Variants in MSANTD2 observed in about 807,000 individuals in gnomAD.
The protein encoded by MSANTD2 is Myb/SANT DNA binding domain containing 2, also known as myb/SANT-like DNA-binding domain-containing protein 2.
Under a neutral mutation model 52.6 loss-of-function variants are expected in MSANTD2, and 19 were observed. The observed-to-expected ratio is 0.36, with a 90% CI of 0.25 to 0.53. MSANTD2 has a LOEUF of 0.53. Ranked by LOEUF, MSANTD2 falls within the 20% of genes least tolerant of loss-of-function variation. The pLI is 0.91. For missense variants in MSANTD2, 558 were observed against 716.3 expected (o/e 0.78, Z 2.52); for synonymous variants, 291 against 289.7 (o/e 1.00, Z -0.04).
chr11:124,793,135 G>C (rs1945384873), intron 1 of MSANTD2, among the ~76,000 whole-genome samples: 1 of 152,126 alleles, frequency 6.6e-6, no homozygotes. Context: ...TATTGTTTAA[G>C]TTATCAATCC....
At chr11:124,787,029 G>A (rs772007484) in intron 1 of MSANTD2, among the ~76,000 whole-genome samples, 21 of 152,082 alleles carry the variant, frequency 1.4e-4, no homozygotes, top group Non-Finnish European at 2.5e-4. Flanking sequence ...GGTGGGGCTG[G>A]TAACAGTACC....
intron 1 of MSANTD2, among the ~76,000 whole-genome samples, chr11:124,786,197 C>T (rs1352240542): frequency 1.3e-5 from 2 of 151,012 alleles, no homozygotes; most frequent in Non-Finnish European, 2.9e-5. Context: ...GCCTCAAACT[C>T]CTGGGCTCAA....
intron 1 of MSANTD2, among the ~76,000 whole-genome samples, chr11:124,781,652 CTT>C (rs571106311): frequency 0.23 from 30,100 of 133,364 alleles, 3,097 homozygotes; most frequent in African/African-American, 0.4. Flanking sequence ...TCATCAATGT[CTT>C]TTTTTTTTTT....
chr11:124,775,859 T>A (rs912930051), intron 1 of MSANTD2: 2 of 152,264 alleles, frequency 1.3e-5, no homozygotes, highest in Non-Finnish European at 2.9e-5. Context: ...CCCTTCCATT[T>A]TTACCATGGT....
In MSANTD2 at chr11:124,781,319, T is replaced by C. The variant is rs138757340; in HGVS notation, c.511-6345A>G. 1.1e-4 allele frequency among the ~76,000 whole-genome samples: 16 copies of C among 152,360 alleles called. 1 individual carries two copies. The highest frequency in any genetic ancestry group is 3.8e-4 in the African/African-American group (16 of 41,586). On this transcript the variant is annotated intron_variant, in intron 1 of 3. Transcript: ENST00000374979. ...AATTAAGTGATATTAAATGATTCGT[T>C]ATGCTGATTATCTGTTCCAACTGCA... is the stretch of plus-strand genomic sequence containing the variant.
chr11:124,783,781 C>A (rs1020015621), intron 1 of MSANTD2: 1 of 985,260 alleles, frequency 1.0e-6, no homozygotes, highest in Non-Finnish European at 1.2e-6. Context: ...AAGAAAAAAA[C>A]CCTAAAGAAG....
intron 1 of MSANTD2, chr11:124,775,751 GTTA>G (rs1944718423): frequency 2.0e-5 from 3 of 152,220 alleles, no homozygotes; most frequent in Admixed American, 6.5e-5. Context: ...ACAGAGGGGT[GTTA>G]TTTCACTTCC....
intron 1 of MSANTD2, among the ~76,000 whole-genome samples, chr11:124,778,812 G>A (rs1944842907): frequency 6.6e-6 from 1 of 152,090 alleles, no homozygotes; most frequent in Non-Finnish European, 1.5e-5. Context: ...TAGAGTAAAA[G>A]GAAATGAGAG....
chr11:124,772,724 G>A (rs1358769039), intron 3 of MSANTD2, among the ~76,000 whole-genome samples: 8 of 124,540 alleles, frequency 6.4e-5, no homozygotes, highest in Admixed American at 2.0e-4. Context: ...GTGACAGAGC[G>A]AGAGCGAGAT....
chr11:124,773,254 A>G, intron 2 of MSANTD2, 200 bp from the exon 3 acceptor site: 1 of 407,276 alleles, frequency 2.5e-6, no homozygotes, highest in Non-Finnish European at 4.4e-6. Context: ...TAACATCAGA[A>G]ACCAGCTCTA....
rs1238231364 is a variant in MSANTD2 at position 124,774,351 on chromosome 11, G to A, written c.766+368C>T. On this transcript the variant is annotated intron_variant, in intron 2 of 3. Coordinates refer to ENST00000374979, the MANE Select transcript of MSANTD2 (RefSeq NM_001308027.2). The surrounding 1 kb of genome is among the most constrained non-coding windows in gnomAD (Gnocchi z 5.1). ...CCAAGATATCTTAGCAGTCATCTTAGAACTAGAAGGTACAGGATATTTAGA... is the reference window on the plus strand; with the variant it reads ...CCAAGATATCTTAGCAGTCATCTTAAAACTAGAAGGTACAGGATATTTAGA... Among the ~76,000 whole-genome samples, 1 of 152,210 alleles carries A rather than the reference G, an allele frequency of 6.6e-6. No individual in the cohort carries two copies. Among genetic ancestry groups the A allele is most frequent in the East Asian group, 1.9e-4 (1 of 5,200 alleles).
chr11:124,781,126 T>C (rs1039719757), intron 1 of MSANTD2, among the ~76,000 whole-genome samples: 2 of 146,516 alleles, frequency 1.4e-5, no homozygotes, highest in African/African-American at 5.1e-5. Context: ...GAGGTTGCAG[T>C]GAGCCAAGAT....
At chr11:124,769,291 G>A (rs1944414520) in intron 3 of MSANTD2, among the ~76,000 whole-genome samples, 1 of 152,150 alleles carries the variant, frequency 6.6e-6, no homozygotes, top group Non-Finnish European at 1.5e-5. Flanking sequence ...CTGCTTCTTG[G>A]AGCTAAGACT....
chr11:124,773,470 G>A (rs566880009), intron 2 of MSANTD2: 1 of 162,144 alleles, frequency 6.2e-6, no homozygotes, highest in South Asian at 1.8e-4. Context: ...AGGTTTGAGT[G>A]ACTTAACTCT....
At chr11:124,768,250 T>C (rs2135225931) in intron 3 of MSANTD2, among the ~76,000 whole-genome samples, 1 of 152,208 alleles carries the variant, frequency 6.6e-6, no homozygotes, top group East Asian at 1.9e-4. Context: ...AGTGTAAGTC[T>C]AGACAATCAA....
chr11:124,785,475 C>G (rs537863830), intron 1 of MSANTD2, among the ~76,000 whole-genome samples: 1 of 152,338 alleles, frequency 6.6e-6, no homozygotes, highest in East Asian at 1.9e-4. Flanking sequence ...GCAGCCTCTG[C>G]TAATCCTACA....
rs1468838599 is a variant in MSANTD2, at chr11:124,766,966, T to C, written c.*210A>G. 1 of 512,936 alleles carries C rather than the reference T, an allele frequency of 1.9e-6. No individual in the cohort carries two copies. The highest frequency in any genetic ancestry group is 3.4e-6 in the Non-Finnish European group (1 of 294,796). 31.8% of individuals were successfully genotyped at this position (512,936 alleles called of 1,614,324 possible). On this transcript the variant is annotated 3_prime_UTR_variant, in exon 4 of 4. Coordinates refer to ENST00000374979, the MANE Select transcript of MSANTD2 (RefSeq NM_001308027.2). ...ACCCACCATGCAAGTTCGCTATATA[T>C]CTTGCTTGCTCAAAATGAGCATTTT...
chr11:124,769,839 C>T (rs1395751076), intron 3 of MSANTD2, among the ~76,000 whole-genome samples: 1 of 152,186 alleles, frequency 6.6e-6, no homozygotes, highest in African/African-American at 2.4e-5. Flanking sequence ...TAAATAAACT[C>T]TTGCACTGGA....
At chr11:124,790,692 T>C (rs1266119000) in intron 1 of MSANTD2, 1 of 152,414 alleles carries the variant, frequency 6.6e-6, no homozygotes, top group Admixed American at 6.5e-5. Flanking sequence ...AACCATGTCA[T>C]TGCCTGGCTT....
Sources: gnomAD v4.1 joint callset for allele counts (sites outside exome capture counted in the v4.1 genomes callset) on GRCh38, gnomAD v4.1.1 for gene constraint, Gnocchi (gnomAD v3.1) non-coding constraint, MANE v1.5 for transcripts, NCBI Gene and HGNC (gene_info 2026-07-23, HGNC 2026-07-21) for gene names.